The following FAM89A variants were observed in gnomAD, a reference collection of about 807,000 sequenced individuals.
FAM89A encodes the protein protein FAM89A.
In FAM89A, 10 loss-of-function variants were observed where a neutral mutation model predicts 7.1. The ratio of observed to expected loss-of-function variants is 1.40; its 90% CI spans 0.86 to 2.38. The LOEUF is 2.38. FAM89A is among the 30% of genes most tolerant of loss of function. FAM89A has a pLI of 0.00. For synonymous variants in FAM89A, 157 were observed against 129.3 expected, an observed-to-expected ratio of 1.21 and a Z score of -1.45; for missense variants, 276 against 262.8, an observed-to-expected ratio of 1.05 and a Z score of -0.35.
intron 1 of FAM89A, among the ~76,000 whole-genome samples, chr1:231,022,531 C>T (rs1193998950): frequency 6.6e-6 from 1 of 152,168 alleles, no homozygotes; most frequent in African/African-American, 2.4e-5. Flanking sequence ...GGCACACCAC[C>T]TTTTGTCCCA....
At chr1:231,029,765 A>T (rs550709535) in intron 1 of FAM89A, among the ~76,000 whole-genome samples, 1 of 152,334 alleles carries the variant, frequency 6.6e-6, no homozygotes, top group South Asian at 2.1e-4. Flanking sequence ...AAACTTTCAC[A>T]GTTATCTTTT....
At chr1:231,020,187 G>A (rs1679849012) in intron 1 of FAM89A, 61 bp from the exon 2 acceptor site, 2 of 1,501,914 alleles carry the variant, frequency 1.3e-6, no homozygotes, top group African/African-American at 1.4e-5. Context: ...TAATTTCAGT[G>A]GAACACTCAG....
chr1:231,037,006 T>C (rs1043606024), intron 1 of FAM89A, among the ~76,000 whole-genome samples: 3 of 152,172 alleles, frequency 2.0e-5, no homozygotes, highest in Admixed American at 1.3e-4. Flanking sequence ...ACTGGGAAAA[T>C]AATTGCAATG....
At chr1:231,038,678 A>G (rs1242654036) in intron 1 of FAM89A, among the ~76,000 whole-genome samples, 2 of 152,256 alleles carry the variant, frequency 1.3e-5, no homozygotes, top group African/African-American at 4.8e-5. Flanking sequence ...AATCACTTCA[A>G]TGCCAGCTAC....
chr1:231,019,948 T>C lies in FAM89A; in HGVS notation c.470A>G (p.Asp157Gly), dbSNP rs539561762. Residue 157 changes from aspartate to glycine, a missense_variant, in exon 2 of 2, where the codon GAC (aspartate) becomes GGC (glycine). Coordinates refer to ENST00000366654, the MANE Select transcript of FAM89A (RefSeq NM_198552.3). Reference sequence around the variant, plus strand: ...CCGAGGAGGGCCTCGGTCCCTCCTGTCGTGCAGGGAGTTCTGCTCCTGGAA... The same window carrying C: ...CCGAGGAGGGCCTCGGTCCCTCCTGCCGTGCAGGGAGTTCTGCTCCTGGAA... ...EYFQEQNSLH[D>G]RRDRGPPRDL... 2.5e-5 allele frequency: 40 copies of C among 1,614,186 alleles called. No homozygotes were observed. Among genetic ancestry groups the C allele is most frequent in the Admixed American group, 2.2e-4 (13 of 60,018 alleles).
chr1:231,039,804 A>T, intron 1 of FAM89A, 117 bp downstream of exon 1: 1 of 1,044,494 alleles, frequency 9.6e-7, no homozygotes, highest in Non-Finnish European at 1.2e-6. Context: ...CCTGGGGCGG[A>T]GGAGCCCGAA....
intron 1 of FAM89A, among the ~76,000 whole-genome samples, chr1:231,037,862 A>T (rs1306738351): frequency 2.0e-5 from 3 of 147,160 alleles, no homozygotes; most frequent in Non-Finnish European, 4.6e-5. Context: ...TGCTTGCTTT[A>T]AAAAAAAAAA....
At chr1:231,033,508 G>A (rs1247376241) in intron 1 of FAM89A, among the ~76,000 whole-genome samples, 1 of 152,136 alleles carries the variant, frequency 6.6e-6, no homozygotes, top group East Asian at 1.9e-4. Context: ...GGCCTCAGGG[G>A]GCTACAGCCA....
At chr1:231,023,688 T>C (rs1325687334) in intron 1 of FAM89A, among the ~76,000 whole-genome samples, 1 of 152,224 alleles carries the variant, frequency 6.6e-6, no homozygotes, top group Non-Finnish European at 1.5e-5. Flanking sequence ...TTTTAACTGT[T>C]TGGCTCACTT....
intron 1 of FAM89A, among the ~76,000 whole-genome samples, chr1:231,029,683 A>G (rs1680037192): frequency 6.6e-6 from 1 of 152,196 alleles, no homozygotes; most frequent in African/African-American, 2.4e-5. Flanking sequence ...TGCTTGGATC[A>G]CAGGCCATTT....
chr1:231,022,252 C>T (rs2103070371), intron 1 of FAM89A: 3 of 816,318 alleles, frequency 3.7e-6, no homozygotes, highest in East Asian at 2.4e-5. Flanking sequence ...CCTCCATTTT[C>T]CTGAGCTCAA....
intron 1 of FAM89A, among the ~76,000 whole-genome samples, chr1:231,033,624 C>A (rs1680110749): frequency 6.6e-6 from 1 of 152,112 alleles, no homozygotes; most frequent in African/African-American, 2.4e-5. Context: ...GAAGAGGTGC[C>A]CACACTGCCA....
At chr1:231,029,874 T>A (rs1680039595) in intron 1 of FAM89A, among the ~76,000 whole-genome samples, 1 of 152,228 alleles carries the variant, frequency 6.6e-6, no homozygotes, top group African/African-American at 2.4e-5. Context: ...CTAGTTTATA[T>A]CCACAGGCCT....
intron 1 of FAM89A, chr1:231,021,898 C>T (rs781361253): frequency 1.2e-4 from 195 of 1,560,474 alleles, no homozygotes; most frequent in Middle Eastern, 1.0e-3. Flanking sequence ...TGAGCAGTGA[C>T]GATGAGTTGT....
rs1334520447 is a variant in FAM89A, at chr1:231,019,293, G to A, written c.*570C>T. 1.3e-5 allele frequency: 2 copies of A among 151,884 alleles called. No individual in the cohort carries two copies. Among genetic ancestry groups the A allele is most frequent in the Non-Finnish European group, 2.9e-5 (2 of 68,056 alleles). The allele number at this position is 151,884 out of a possible 1,614,324, so 9.4% of individuals were successfully genotyped here. A position where few individuals can be genotyped will look rare whatever the true frequency, so the allele number is the denominator to read the frequency against. The stretch of plus-strand genomic sequence containing the variant: ...AAAAGCCAGTTGATTGGGATGACTA[G>A]AAATGTTAACTTTTTCAGTAAAAAG... On this transcript the variant is annotated 3_prime_UTR_variant, in exon 2 of 2. Coordinates refer to ENST00000366654, the MANE Select transcript of FAM89A (RefSeq NM_198552.3).
intron 1 of FAM89A, chr1:231,022,209 CG>C: frequency 1.0e-6 from 1 of 970,966 alleles, no homozygotes; most frequent in Non-Finnish European, 1.7e-6. Context: ...CCAGGAGAGA[CG>C]GATGGACAAT....
At chr1:231,033,713 A>C (rs927541093) in intron 1 of FAM89A, among the ~76,000 whole-genome samples, 1 of 152,230 alleles carries the variant, frequency 6.6e-6, no homozygotes, top group Non-Finnish European at 1.5e-5. Context: ...AAGGGTTGTA[A>C]GATATTTATG....
At chr1:231,038,521 T>C (rs952703330) in intron 1 of FAM89A, among the ~76,000 whole-genome samples, 1 of 152,246 alleles carries the variant, frequency 6.6e-6, no homozygotes. Context: ...GTAAACACAC[T>C]ACGTGTAGAT....
At chr1:231,034,404 A>G (rs1481125387) in intron 1 of FAM89A, among the ~76,000 whole-genome samples, 4 of 152,234 alleles carry the variant, frequency 2.6e-5, no homozygotes, top group Non-Finnish European at 4.4e-5. Flanking sequence ...ACTGTATCAC[A>G]TAGTTTATTA....
Sources: allele counts gnomAD v4.1 joint callset (sites outside exome capture counted in the v4.1 genomes callset), GRCh38; gene constraint gnomAD v4.1.1; transcripts MANE v1.5; gene names NCBI Gene and HGNC (gene_info 2026-07-23, HGNC 2026-07-21).